Variants in MYSM1 observed in about 807,000 individuals in gnomAD.
MYSM1 encodes the protein Myb like, SWIRM and MPN domains 1.
MYSM1 carries 51 observed loss-of-function variants against 116.0 expected under a neutral mutation model. The ratio of observed to expected loss-of-function variants is 0.44; its 90% CI spans 0.35 to 0.56. The LOEUF is 0.56. Ranked by LOEUF, MYSM1 falls within the 20% of genes least tolerant of loss-of-function variation. The pLI, the probability that MYSM1 is intolerant of heterozygous loss-of-function variation, is 0.00. For missense variants in MYSM1, 900 were observed against 974.9 expected, an observed-to-expected ratio of 0.92 and a Z score of 1.02; for synonymous variants, 313 against 315.2, an observed-to-expected ratio of 0.99 and a Z score of 0.07.
At chr1:58,685,312 G>C in intron 6 of MYSM1, 61 bp from the exon 7 acceptor site, 1 of 1,055,880 alleles carries the variant, frequency 9.5e-7, no homozygotes, top group Non-Finnish European at 1.4e-6. Context: ...AATAGTCCAA[G>C]CCACTACCAC....
In MYSM1 at chr1:58,670,151, G is replaced by A. The variant is rs571332313; in HGVS notation, c.1662-1113C>T. On this transcript the variant is annotated intron_variant, in intron 12 of 19. Coordinates refer to ENST00000472487, the MANE Select transcript of MYSM1 (RefSeq NM_001085487.3). The stretch of plus-strand genomic sequence containing the variant: ...TAATGTATCCCAAGTGATCAGAACC[G>A]TGCCTGACATATACAGTACACATTC... Among the ~76,000 whole-genome samples the A allele has an allele frequency of 7.9e-5, 12 of 152,218 alleles. No individual in the cohort carries two copies. In the East Asian group the frequency reaches 1.4e-3, roughly 17 times the overall value.
intron 17 of MYSM1, among the ~76,000 whole-genome samples, chr1:58,662,639 C>T (rs564819342): frequency 6.6e-6 from 1 of 151,336 alleles, no homozygotes; most frequent in South Asian, 2.1e-4. Context: ...AAATAAAATG[C>T]CAGCAAATCA....
In MYSM1 at chr1:58,657,633, G is replaced by T. The variant is rs770196053; in HGVS notation, c.*2364C>A. 11 of 152,192 alleles carry T rather than the reference G, an allele frequency of 7.2e-5. No individual in the cohort carries two copies. The highest frequency in any genetic ancestry group is 1.5e-4 in the Non-Finnish European group (10 of 68,006). The allele number at this position is 152,192 out of a possible 1,614,324, so 9.4% of individuals were successfully genotyped here. On this transcript the variant is annotated 3_prime_UTR_variant, in exon 20 of 20. Coordinates refer to ENST00000472487, the MANE Select transcript of MYSM1 (RefSeq NM_001085487.3). ...TAAAATTATACTGTCAAAAAAATGG[G>T]GAAGGATTTATATACTAATTGTGTT...
chr1:58,675,470 T>TA lies in MYSM1; in HGVS notation c.1494+6_1494+7insT. On this transcript the variant is annotated splice_region_variant and intron_variant, in intron 10 of 19. Transcript: ENST00000472487. Reference sequence around the variant, plus strand: ...TGGAGAGATCACTGAGAGAGATGACTGCTTACCATAGACTGCAGACGCTGG... The same window carrying TA: ...TGGAGAGATCACTGAGAGAGATGACTAGCTTACCATAGACTGCAGACGCTGG... 1 of 1,600,030 alleles carries TA rather than the reference T, an allele frequency of 6.2e-7. No homozygotes were observed. The highest frequency in any genetic ancestry group is 8.6e-7 in the Non-Finnish European group (1 of 1,169,452).
In MYSM1 at chr1:58,675,511, T is replaced by C; in HGVS notation, c.1460A>G (p.Glu487Gly). 6.2e-7 allele frequency: 1 copy of C among 1,613,168 alleles called. No individual in the cohort carries two copies. The highest frequency in any genetic ancestry group is 8.5e-7 in the Non-Finnish European group (1 of 1,179,548). The change falls in exon 10 of 20, where the codon GAA (glutamate) becomes GGA (glycine). Residue 487 changes from glutamate to glycine, a missense_variant. Physicochemically the swap from Glu to Gly is moderately conservative, Grantham distance 98 (BLOSUM62 -2). This residue lies in a region of MYSM1 where 622 missense variants were observed against 623.7 expected (regional missense o/e 1.00). Coordinates refer to ENST00000472487, the MANE Select transcript of MYSM1 (RefSeq NM_001085487.3). Reference protein sequence around the residue: ...VRIRDRKDAVEAYQLAQRLQS... With the variant: ...VRIRDRKDAVGAYQLAQRLQS... ...CAGACGCTGGGCAAGTTGGTATGCT[T>C]CTACTGCATCTTTTCTGTCTCTGAT...
At chr1:58,675,646 A>G in intron 9 of MYSM1, 66 bp from the exon 10 acceptor site, 1 of 1,170,276 alleles carries the variant, frequency 8.5e-7, no homozygotes, top group African/African-American at 1.5e-5. Context: ...AAACAGTAAG[A>G]CACATGTACA....
intron 17 of MYSM1, among the ~76,000 whole-genome samples, chr1:58,662,428 C>T (rs931203258): frequency 1.0e-4 from 15 of 149,610 alleles, no homozygotes; most frequent in African/African-American, 3.7e-4. Flanking sequence ...TGTGAAATCA[C>T]TTAAATGAAG....
intron 2 of MYSM1, among the ~76,000 whole-genome samples, chr1:58,693,960 C>A (rs181147370): frequency 1.2e-3 from 181 of 152,286 alleles, no homozygotes; most frequent in Middle Eastern, 6.8e-3. Flanking sequence ...GCTGCCACTC[C>A]TTCCTTTCCC....
rs752448756 is a variant in MYSM1, at chr1:58,671,940, A to G, written c.1591T>C (p.Leu531=). Residue 531 remains leucine (L), a synonymous_variant, in exon 12 of 20, where the codon TTG becomes CTG. Transcript: ENST00000472487. ...QTFEHLSAEE[L]AKRREEEKGR... is the part of the protein sequence containing the mutation. ...TTTTCCTCTTCTCTTCTTTTTGCCA[A>G]CTCCTCAGCAGAGAGATGCTAAAAC... is the stretch of plus-strand genomic sequence containing the variant. The G allele has an allele frequency of 5.6e-6, 9 of 1,613,020 alleles. No individual in the cohort carries two copies. The East Asian group carries it at 1.8e-4, about 32-fold the overall frequency.
chr1:58,660,357 C>T (rs1054640591), intron 19 of MYSM1, among the ~76,000 whole-genome samples: 2 of 152,054 alleles, frequency 1.3e-5, no homozygotes, highest in African/African-American at 4.8e-5. Flanking sequence ...GAACACTCAG[C>T]TTAGTACTTT....
rs529537919 is a variant in MYSM1 at position 58,693,738 on chromosome 1, C to T, written c.148-807G>A. Among the ~76,000 whole-genome samples the T allele has an allele frequency of 2.0e-5, 3 of 152,324 alleles. No homozygotes were observed. In the South Asian group the frequency reaches 6.2e-4, roughly 32 times the overall value. On this transcript the variant is annotated intron_variant, in intron 2 of 19. Coordinates refer to ENST00000472487, the MANE Select transcript of MYSM1 (RefSeq NM_001085487.3). The stretch of plus-strand genomic sequence containing the variant: ...TTACCGTGAATGTTTCCTAACTGGT[C>T]CCTTTAACTCCACTCTTACTTCCCT...
Position 58,675,510 on chromosome 1 carries a change from T to C in MYSM1, c.1461A>G (p.Glu487=), listed in dbSNP as rs1644636962. Residue 487 remains glutamate (E), a synonymous_variant, in exon 10 of 20, where the codon GAA becomes GAG. Transcript: ENST00000472487. ...VRIRDRKDAV[E]AYQLAQRLQS... The stretch of plus-strand genomic sequence containing the variant: ...GCAGACGCTGGGCAAGTTGGTATGC[T>C]TCTACTGCATCTTTTCTGTCTCTGA... The C allele has an allele frequency of 1.9e-6, 3 of 1,613,108 alleles. No homozygotes were observed. In the East Asian group the frequency reaches 6.7e-5, roughly 36 times the overall value.
intron 12 of MYSM1, among the ~76,000 whole-genome samples, 181 bp from the exon 13 acceptor site, chr1:58,669,219 CA>C (rs68056344): frequency 0.27 from 40,366 of 148,444 alleles, 6,154 homozygotes; most frequent in African/African-American, 0.41. Context: ...TTAACAAGAA[CA>C]AAAAAAAAAC....
chr1:58,696,280 C>T (rs112902559), intron 1 of MYSM1, among the ~76,000 whole-genome samples: 301 of 152,308 alleles, frequency 2.0e-3, no homozygotes, highest in Middle Eastern at 3.4e-3. Flanking sequence ...ATTTCAAATT[C>T]ACTGTAGAAA....
At chr1:58,668,496 T>TA (rs1644507449) in intron 14 of MYSM1, 136 bp downstream of exon 14, 2 of 1,367,382 alleles carry the variant, frequency 1.5e-6, no homozygotes, top group Middle Eastern at 2.7e-4. Flanking sequence ...AGAAAAGACT[T>TA]ATTTTTAGAT....
chr1:58,655,062 A>T lies in MYSM1; in HGVS notation c.*4935T>A, dbSNP rs1251066679. ...TAGCATTTGGAAAAAAATAGCAACA[A>T]GTTTATCAATAACCATGCCATATGT... On this transcript the variant is annotated 3_prime_UTR_variant, in exon 20 of 20. Coordinates refer to ENST00000472487, the MANE Select transcript of MYSM1 (RefSeq NM_001085487.3). 2.0e-5 allele frequency: 3 copies of T among 152,202 alleles called. No individual in the cohort carries two copies. The highest frequency in any genetic ancestry group is 7.2e-5 in the African/African-American group (3 of 41,468). The allele number at this position is 152,202 out of a possible 1,614,324, so 9.4% of individuals were successfully genotyped here.
intron 10 of MYSM1, among the ~76,000 whole-genome samples, 155 bp from the exon 11 acceptor site, chr1:58,673,805 TTAA>T (rs1380770619): frequency 6.6e-6 from 1 of 152,224 alleles, no homozygotes; most frequent in Admixed American, 6.5e-5. Context: ...CTAAACTTTA[TTAA>T]TTTATGTTCA....
chr1:58,690,305 T>C (rs939040671), intron 4 of MYSM1, 35 bp downstream of exon 4: 1 of 1,584,560 alleles, frequency 6.3e-7, no homozygotes, highest in Non-Finnish European at 8.6e-7. Context: ...AAAACTACAA[T>C]CCAGACTTTT....
chr1:58,674,757 C>T (rs113658119), intron 10 of MYSM1, among the ~76,000 whole-genome samples: 48 of 151,914 alleles, frequency 3.2e-4, no homozygotes, highest in African/African-American at 1.1e-3. Flanking sequence ...AACCCTGTCT[C>T]TACTAAAAAT....
Sources: gnomAD v4.1 joint callset for allele counts (sites outside exome capture counted in the v4.1 genomes callset) on GRCh38, gnomAD v4.1.1 for gene constraint, gnomAD v4.1.1 regional missense constraint, MANE v1.5 for transcripts, NCBI Gene and HGNC (gene_info 2026-07-23, HGNC 2026-07-21) for gene names.